Variants in KLHL8 observed in about 807,000 individuals in gnomAD.
KLHL8 encodes the protein kelch-like protein 8.
Under a neutral mutation model 63.5 loss-of-function variants are expected in KLHL8, and 38 were observed. That is an observed-to-expected ratio of 0.60 (90% CI 0.46 to 0.78). KLHL8 has a LOEUF of 0.78. Ranked by LOEUF, KLHL8 falls within the 30% of genes least tolerant of loss-of-function variation. KLHL8 has a pLI of 0.00. For missense variants in KLHL8, 566 were observed against 752.4 expected (o/e 0.75, Z 2.90); for synonymous variants, 224 against 254.3 (o/e 0.88, Z 1.13).
chr4:87,211,790 C>G (rs543908407), intron 1 of KLHL8, among the ~76,000 whole-genome samples: 1 of 152,084 alleles, frequency 6.6e-6, no homozygotes, highest in South Asian at 2.1e-4. Flanking sequence ...GATAGGAGAC[C>G]CAATGGAGAG....
intron 1 of KLHL8, chr4:87,240,153 TTC>T (rs1233070057): frequency 1.3e-5 from 2 of 152,216 alleles, no homozygotes; most frequent in African/African-American, 4.8e-5. Flanking sequence ...GGCTTCTGTC[TTC>T]TAATACCATA....
intron 1 of KLHL8, among the ~76,000 whole-genome samples, chr4:87,208,895 A>T (rs1248905543): frequency 6.6e-6 from 1 of 152,224 alleles, no homozygotes; most frequent in Non-Finnish European, 1.5e-5. Context: ...TCACTTTTAT[A>T]AAATTATTTT....
chr4:87,174,283 G>T (rs1473996093), intron 6 of KLHL8, among the ~76,000 whole-genome samples: 1 of 146,376 alleles, frequency 6.8e-6, no homozygotes, highest in Non-Finnish European at 1.5e-5. Flanking sequence ...TCACCTGCAA[G>T]TTTTTTTTTT....
chr4:87,182,828 C>G (rs561801438), intron 4 of KLHL8, among the ~76,000 whole-genome samples: 1 of 152,234 alleles, frequency 6.6e-6, no homozygotes, highest in Non-Finnish European at 1.5e-5. Context: ...ATTTCAAGTT[C>G]CATGCTTGGC....
chr4:87,194,474 C>A (rs1158467161), intron 2 of KLHL8, among the ~76,000 whole-genome samples: 1 of 152,124 alleles, frequency 6.6e-6, no homozygotes, highest in African/African-American at 2.4e-5. Flanking sequence ...AGTTTGAGAC[C>A]AGCCTGGGCA....
chr4:87,194,840 C>G (rs1388184962), intron 2 of KLHL8, among the ~76,000 whole-genome samples: 2 of 152,050 alleles, frequency 1.3e-5, no homozygotes, highest in Admixed American at 1.3e-4. Context: ...GATAAACAAT[C>G]CCACTTAACA....
intron 1 of KLHL8, among the ~76,000 whole-genome samples, chr4:87,227,662 AAG>A (rs1733059400): frequency 2.0e-5 from 3 of 152,090 alleles, no homozygotes; most frequent in Non-Finnish European, 4.4e-5. Context: ...ATAAATAACT[AAG>A]TTATTTGTCT....
intron 1 of KLHL8, among the ~76,000 whole-genome samples, chr4:87,233,079 G>A (rs868161888): frequency 6.6e-6 from 1 of 151,698 alleles, no homozygotes. Flanking sequence ...TTGCTTTGTC[G>A]CCAAGGCTGG....
chr4:87,208,631 C>T (rs2052762140), intron 1 of KLHL8, among the ~76,000 whole-genome samples: 1 of 152,168 alleles, frequency 6.6e-6, no homozygotes, highest in Admixed American at 6.5e-5. Flanking sequence ...AGCCACTGCG[C>T]CCAGGAGTCT....
rs759062754 is a variant in KLHL8, at chr4:87,170,130, G to A, written c.1486C>T (p.Arg496Ter). 3 of 1,614,002 alleles carry A rather than the reference G, an allele frequency of 1.9e-6. No individual in the cohort carries two copies. Among genetic ancestry groups the A allele is most frequent in the South Asian group, 2.2e-5 (2 of 91,076 alleles). ...TTGCTAACTCCATTGCCTGCTCTTC[G>A]CTGACCCATTTCTTTAACTTCTATC... The part of the protein sequence containing the change: ...KWIEVKEMGQ[R>*]RAGNGVSKLH... Residue 496 changes from arginine (R) to a stop codon, truncating the protein, a stop_gained, in exon 8 of 10, where the codon CGA becomes TGA. Transcript: ENST00000273963. LOFTEE classifies it high-confidence loss of function.
chr4:87,235,600 TG>T (rs1297223302), intron 1 of KLHL8, among the ~76,000 whole-genome samples: 1 of 152,144 alleles, frequency 6.6e-6, no homozygotes, highest in Non-Finnish European at 1.5e-5. Flanking sequence ...AACTACACTT[TG>T]GGGGGCAGGG....
chr4:87,236,301 C>T (rs1429502062), intron 1 of KLHL8, among the ~76,000 whole-genome samples: 1 of 151,768 alleles, frequency 6.6e-6, no homozygotes, highest in Non-Finnish European at 1.5e-5. Context: ...CTCCGCCTCC[C>T]AGGTTCAAGT....
intron 3 of KLHL8, among the ~76,000 whole-genome samples, chr4:87,184,046 G>A (rs1731156666): frequency 6.6e-6 from 1 of 152,112 alleles, no homozygotes; most frequent in Non-Finnish European, 1.5e-5. Flanking sequence ...ACACACACAC[G>A]TAAGGGGTTG....
intron 8 of KLHL8, among the ~76,000 whole-genome samples, chr4:87,168,770 A>G (rs1730514445): frequency 2.9e-5 from 4 of 138,166 alleles, no homozygotes; most frequent in South Asian, 4.7e-4. Context: ...GTGTATATAT[A>G]TGTGTATATA....
At chr4:87,204,373 A>G (rs1370983103) in intron 1 of KLHL8, among the ~76,000 whole-genome samples, 1 of 152,044 alleles carries the variant, frequency 6.6e-6, no homozygotes, top group East Asian at 1.9e-4. Context: ...GCAAAACAGC[A>G]TCACTGTTCT....
At chr4:87,236,166 C>T (rs1484224550) in intron 1 of KLHL8, among the ~76,000 whole-genome samples, 3 of 151,578 alleles carry the variant, frequency 2.0e-5, no homozygotes, top group Non-Finnish European at 4.4e-5. Flanking sequence ...AAATATCTGC[C>T]TTATACCAGG....
At chr4:87,226,551 G>C (rs1346642862) in intron 1 of KLHL8, among the ~76,000 whole-genome samples, 9 of 128,544 alleles carry the variant, frequency 7.0e-5, no homozygotes, top group African/African-American at 2.8e-4. Context: ...AACAGAGCAA[G>C]ACTCTGTCTC....
At chr4:87,184,733 A>T (rs1171622001) in intron 3 of KLHL8, among the ~76,000 whole-genome samples, 1 of 152,122 alleles carries the variant, frequency 6.6e-6, no homozygotes, top group Non-Finnish European at 1.5e-5. Context: ...GACAGTAAAA[A>T]ATAAGAACAG....
chr4:87,165,930 G>A (rs1259739617), intron 8 of KLHL8, among the ~76,000 whole-genome samples: 1 of 151,142 alleles, frequency 6.6e-6, no homozygotes, highest in Non-Finnish European at 1.5e-5. Flanking sequence ...TGTTCAACCT[G>A]AATCATTCTT....
Sources: gnomAD v4.1 joint callset for allele counts (sites outside exome capture counted in the v4.1 genomes callset) on GRCh38, gnomAD v4.1.1 for gene constraint, MANE v1.5 for transcripts, NCBI Gene and HGNC (gene_info 2026-07-23, HGNC 2026-07-21) for gene names.